Variants in KIAA2013 observed in about 807,000 individuals in gnomAD.
The protein encoded by KIAA2013 is uncharacterized protein KIAA2013.
A neutral mutation model predicts 39.9 loss-of-function variants in KIAA2013; 20 were observed. The ratio of observed to expected loss-of-function variants is 0.50; its 90% CI spans 0.35 to 0.73. KIAA2013 has a LOEUF of 0.73. Among genes scored for constraint, KIAA2013 ranks in the 30% least tolerant of loss-of-function variants. The pLI, the probability that KIAA2013 is intolerant of heterozygous loss-of-function variation, is 0.01. For synonymous variants in KIAA2013, 336 were observed against 416.6 expected, an observed-to-expected ratio of 0.81 and a Z score of 2.35; for missense variants, 587 against 856.1, an observed-to-expected ratio of 0.69 and a Z score of 3.92.
At chr1:11,920,420 T>C in intron 2 of KIAA2013, 88 bp from the exon 3 acceptor site, 1 of 1,339,968 alleles carries the variant, frequency 7.5e-7, no homozygotes, top group Non-Finnish European at 1.1e-6. Context: ...ACAACCCTAG[T>C]GGCACCACAC....
intron 2 of KIAA2013, among the ~76,000 whole-genome samples, chr1:11,921,614 A>C (rs1250203813): frequency 6.6e-6 from 1 of 151,732 alleles, no homozygotes; most frequent in Non-Finnish European, 1.5e-5. Flanking sequence ...CACTGGCATG[A>C]TCTCGGGTCA....
rs527876893 is a variant in KIAA2013, at chr1:11,923,452, C to T, written c.1071G>A (p.Pro357=). Residue 357 remains proline (P), a synonymous_variant, in exon 2 of 3, where the codon CCG becomes CCA. Transcript: ENST00000376572. This position sits in a 1 kb window ranked among gnomAD's most constrained non-coding sequence, Gnocchi z 4.6. ...GCGTCAGGTTCACGGTGAGGCCAGA[C>T]GGCGTGTGGGTGTCAGTGATCTTCT... ...EMKKITDTHT[P]SGLTVNLTLY... 2.2e-5 allele frequency: 35 copies of T among 1,609,316 alleles called. No homozygotes were observed. The highest frequency in any genetic ancestry group is 2.1e-4 in the African/African-American group (16 of 75,032).
intron 1 of KIAA2013, among the ~76,000 whole-genome samples, chr1:11,924,233 G>A (rs1645492031): frequency 6.7e-6 from 1 of 149,030 alleles, no homozygotes. Context: ...GGAGGCCAAG[G>A]TGGACGGATC....
Position 11,925,909 on chromosome 1 carries a change from G to A in KIAA2013, c.329C>T (p.Thr110Ile). The change falls in exon 1 of 3, where the codon ACT becomes ATT. Residue 110 changes from threonine to isoleucine, a missense_variant. Coordinates refer to ENST00000376572, the MANE Select transcript of KIAA2013 (RefSeq NM_138346.3). This position sits in a 1 kb window ranked among gnomAD's most constrained non-coding sequence, Gnocchi z 5.2. ...CACGGCGGGCTCCCGCTCCCCGGGA[G>A]TCACCCACAGCCGATTGGCAGCCAC... Reference protein sequence around the residue: ...LDVAANRLWVTPGEREPAVAP... With the variant: ...LDVAANRLWVIPGEREPAVAP... The A allele has an allele frequency of 6.5e-7, 1 of 1,528,094 alleles. No homozygotes were observed. Among genetic ancestry groups the A allele is most frequent in the Non-Finnish European group, 8.7e-7 (1 of 1,144,568 alleles). 94.7% of individuals were successfully genotyped at this position (1,528,094 alleles called of 1,614,324 possible).
Position 11,919,949 on chromosome 1 carries a change from C to T in KIAA2013, c.*366G>A, listed in dbSNP as rs1362770853. On this transcript the variant is annotated 3_prime_UTR_variant, in exon 3 of 3. Coordinates refer to ENST00000376572, the MANE Select transcript of KIAA2013 (RefSeq NM_138346.3). ...ATTAAAACTTCATTAAGAAAGAACA[C>T]GTTAAATTAGGAAAAGGACACAACT... The T allele has an allele frequency of 2.0e-5, 6 of 297,386 alleles. No homozygotes were observed. The highest frequency in any genetic ancestry group is 4.8e-5 in the South Asian group (1 of 20,684). 18.4% of individuals were successfully genotyped at this position (297,386 alleles called of 1,614,324 possible).
rs1172221832 is a variant in KIAA2013 at position 11,923,059 on chromosome 1, G to A, written c.1464C>T (p.Tyr488=). 5 of 1,611,038 alleles carry A rather than the reference G, an allele frequency of 3.1e-6. No homozygotes were observed. The African/African-American group carries it at 6.7e-5, about 22-fold the overall frequency. The change falls in exon 2 of 3, where the codon TAC becomes TAT. Residue 488 remains tyrosine, a synonymous_variant. Coordinates refer to ENST00000376572, the MANE Select transcript of KIAA2013 (RefSeq NM_138346.3). This position sits in a 1 kb window ranked among gnomAD's most constrained non-coding sequence, Gnocchi z 4.6. ...CGGCCAGGTTGATATGGTCGTTCTT[G>A]TAGCGGATGCCATGCAATGCATAGC... ...HNSYALHGIR[Y]KNDHINLAVL...
chr1:11,921,390 A>G (rs1449087481), intron 2 of KIAA2013, among the ~76,000 whole-genome samples: 1 of 151,880 alleles, frequency 6.6e-6, no homozygotes, highest in Non-Finnish European at 1.5e-5. Flanking sequence ...CGAGATGGCC[A>G]CTCTGGTCCG....
At position 11,925,620 on chromosome 1, in the gene KIAA2013, G is replaced by T; in HGVS notation, c.618C>A (p.Ile206=). 1 of 1,609,568 alleles carries T rather than the reference G, an allele frequency of 6.2e-7. No individual in the cohort carries two copies. The highest frequency in any genetic ancestry group is 8.5e-7 in the Non-Finnish European group (1 of 1,179,388). Residue 206 remains isoleucine, a synonymous_variant, in exon 1 of 3, where the codon ATC becomes ATA. Transcript: ENST00000376572. This position sits in a 1 kb window ranked among gnomAD's most constrained non-coding sequence, Gnocchi z 5.2. ...CGCGCTCCGTGGGGTTGTTGAGCTG[G>T]ATGCGCTGCAGGTAGACGTGGGGTC... The part of the protein sequence containing the change: ...RGRPHVYLQR[I]QLNNPTERVA...
intron 1 of KIAA2013, among the ~76,000 whole-genome samples, chr1:11,924,019 G>A (rs1043230145): frequency 7.2e-5 from 11 of 152,120 alleles, no homozygotes; most frequent in Admixed American, 3.3e-4. Context: ...GACTACAGGT[G>A]CAGGCCACCA....
chr1:11,920,176 C>T lies in KIAA2013; in HGVS notation c.*139G>A. On this transcript the variant is annotated 3_prime_UTR_variant, in exon 3 of 3. Coordinates refer to ENST00000376572, the MANE Select transcript of KIAA2013 (RefSeq NM_138346.3). ...CAATGCAAACTCTGGTGTATCCACA[C>T]TCACTTCTGCGTCACCGGTTTCCCC... 1.1e-6 allele frequency: 1 copy of T among 896,956 alleles called. No homozygotes were observed. The allele number at this position is 896,956 out of a possible 1,614,324, so 55.6% of individuals were successfully genotyped here. A position where few individuals can be genotyped will look rare whatever the true frequency, so the allele number is the denominator to read the frequency against.
At chr1:11,920,355 G>A (rs759597641) in intron 2 of KIAA2013, 23 bp from the exon 3 acceptor site, 1 of 1,613,760 alleles carries the variant, frequency 6.2e-7, no homozygotes, top group Admixed American at 1.7e-5. Flanking sequence ...CAAAACAAGT[G>A]TGATTACTGT....
rs1035868012 is a variant in KIAA2013 at position 11,923,243 on chromosome 1, G to C, written c.1280C>G (p.Ser427Cys). Residue 427 changes from serine (S) to cysteine (C), a missense_variant, in exon 2 of 3, where the codon TCT becomes TGT. Transcript: ENST00000376572. This position sits in a 1 kb window ranked among gnomAD's most constrained non-coding sequence, Gnocchi z 4.6. ...CTGGAGGGTCAGCCTCCACAGGTCA[G>C]AGAGCTGCAGGATCTGCTGGACGGA... ...LSSVQQILQL[S>C]DLWRLTLQKR... 42 of 1,613,682 alleles carry C rather than the reference G, an allele frequency of 2.6e-5. No individual in the cohort carries two copies. The highest frequency in any genetic ancestry group is 3.1e-5 in the Non-Finnish European group (37 of 1,179,864).
Position 11,922,554 on chromosome 1 carries a change from C to A in KIAA2013, c.1887+82G>T, listed in dbSNP as rs778928378. On this transcript the variant is annotated intron_variant, in intron 2 of 2. Coordinates refer to ENST00000376572, the MANE Select transcript of KIAA2013 (RefSeq NM_138346.3). ...CATTCCTGCCCAGGCCTCACCCCCC[C>A]TCGCCAGGCTAGCCCCTTCCGAGAC... is the stretch of plus-strand genomic sequence containing the variant. The A allele has an allele frequency of 3.8e-6, 6 of 1,568,140 alleles. No individual in the cohort carries two copies. In the East Asian group the frequency reaches 7.0e-5, roughly 18 times the overall value.
In KIAA2013 at chr1:11,922,505, A is replaced by C. The variant is rs78275505; in HGVS notation, c.1887+131T>G. On this transcript the variant is annotated intron_variant, in intron 2 of 2. Transcript: ENST00000376572. ...ACACTTGTGCGCGCTCTCTGGTGTC[A>C]AGGGCTGAGGGCATCAGGACACCCA... 4.0e-4 allele frequency: 612 copies of C among 1,537,768 alleles called. 5 individuals are homozygous for C. In the East Asian group the frequency reaches 0.015, roughly 37 times the overall value.
chr1:11,924,460 C>T (rs1257479343), intron 1 of KIAA2013, among the ~76,000 whole-genome samples: 4 of 151,900 alleles, frequency 2.6e-5, no homozygotes, highest in Admixed American at 6.6e-5. Context: ...TGTCTTCCTC[C>T]CAACCAGAAT....
Position 11,925,620 on chromosome 1 carries a change from G to A in KIAA2013, c.618C>T (p.Ile206=). 6.2e-7 allele frequency: 1 copy of A among 1,609,686 alleles called. No homozygotes were observed. The highest frequency in any genetic ancestry group is 8.5e-7 in the Non-Finnish European group (1 of 1,179,380). Reference sequence around the variant, plus strand: ...CGCGCTCCGTGGGGTTGTTGAGCTGGATGCGCTGCAGGTAGACGTGGGGTC... The same window carrying A: ...CGCGCTCCGTGGGGTTGTTGAGCTGAATGCGCTGCAGGTAGACGTGGGGTC... ...RGRPHVYLQR[I]QLNNPTERVA... The change falls in exon 1 of 3, where the codon ATC becomes ATT. Residue 206 remains isoleucine, a synonymous_variant. Coordinates refer to ENST00000376572, the MANE Select transcript of KIAA2013 (RefSeq NM_138346.3). This position sits in a 1 kb window ranked among gnomAD's most constrained non-coding sequence, Gnocchi z 5.2.
Position 11,925,270 on chromosome 1 carries a change from A to C in KIAA2013, c.968T>G (p.Leu323Trp). The C allele has an allele frequency of 6.2e-7, 1 of 1,612,370 alleles. No homozygotes were observed. Among genetic ancestry groups the C allele is most frequent in the Non-Finnish European group, 8.5e-7 (1 of 1,179,166 alleles). ...AAGCAGCTCCGCCGCTGGCATGTCCAAGAGCTCCAGCATTTCCTTCCGTGC... is the reference window on the plus strand; with the variant it reads ...AAGCAGCTCCGCCGCTGGCATGTCCCAGAGCTCCAGCATTTCCTTCCGTGC... ...DLARKEMLEL[L>W]DMPAAELLQD... Residue 323 changes from leucine (L) to tryptophan (W), a missense_variant, in exon 1 of 3, where the codon TTG becomes TGG. Physicochemically the swap from Leu to Trp is moderately conservative, Grantham distance 61. Transcript: ENST00000376572. The surrounding 1 kb of genome is among the most constrained non-coding windows in gnomAD (Gnocchi z 5.2).
In KIAA2013 at chr1:11,919,709, C is replaced by T. The variant is rs1341574468; in HGVS notation, c.*606G>A. 2 of 152,668 alleles carry T rather than the reference C, an allele frequency of 1.3e-5. No individual in the cohort carries two copies. The highest frequency in any genetic ancestry group is 4.8e-5 in the African/African-American group (2 of 41,476). 9.5% of individuals were successfully genotyped at this position (152,668 alleles called of 1,614,324 possible). On this transcript the variant is annotated 3_prime_UTR_variant, in exon 3 of 3. Coordinates refer to ENST00000376572, the MANE Select transcript of KIAA2013 (RefSeq NM_138346.3). ...TCCCCTGAAGCCCCAAAGTACAAAACCACAGATGTCCACAGGCTCCTAAAA... is the reference window on the plus strand; with the variant it reads ...TCCCCTGAAGCCCCAAAGTACAAAATCACAGATGTCCACAGGCTCCTAAAA...
chr1:11,920,702 T>C (rs1481151810), intron 2 of KIAA2013, among the ~76,000 whole-genome samples: 1 of 152,218 alleles, frequency 6.6e-6, no homozygotes, highest in Admixed American at 6.5e-5. Context: ...CGATGCACAT[T>C]TGGCACCTGT....
Sources: allele counts gnomAD v4.1 joint callset (sites outside exome capture counted in the v4.1 genomes callset), GRCh38; gene constraint gnomAD v4.1.1; non-coding constraint Gnocchi (gnomAD v3.1); transcripts MANE v1.5; gene names NCBI Gene and HGNC (gene_info 2026-07-23, HGNC 2026-07-21).